The following COMMD1 variants were observed in gnomAD, a reference collection of about 807,000 sequenced individuals.
COMMD1 encodes the protein COMM domain-containing protein 1.
Under a neutral mutation model 17.2 loss-of-function variants are expected in COMMD1, and 10 were observed. That is an observed-to-expected ratio of 0.58 (90% CI 0.36 to 0.99). COMMD1 has a LOEUF of 0.99. Among genes scored for constraint, COMMD1 ranks in the 50% least tolerant of loss-of-function variants. The pLI, the probability that COMMD1 is intolerant of heterozygous loss-of-function variation, is 0.01. For synonymous variants in COMMD1, 97 were observed against 91.6 expected (o/e 1.06, Z -0.34); for missense variants, 270 against 231.8 (o/e 1.17, Z -1.07).
At chr2:61,966,462 C>T (rs995397466) in intron 1 of COMMD1, among the ~76,000 whole-genome samples, 1 of 152,052 alleles carries the variant, frequency 6.6e-6, no homozygotes, top group African/African-American at 2.4e-5. Flanking sequence ...CCAATTGAAA[C>T]ACTAGTTGGT....
In COMMD1 at chr2:61,982,364, G is replaced by A. The variant is rs11680499; in HGVS notation, c.181-18337G>A. ...TTTGTATCATGCAACTTTACTGAAT[G>A]TATCAGTTGTAATGGTTTTTTTGGT... On this transcript the variant is annotated intron_variant, in intron 1 of 2. Coordinates refer to ENST00000311832, the MANE Select transcript of COMMD1 (RefSeq NM_152516.4). Among the ~76,000 whole-genome samples the A allele has an allele frequency of 2.1e-3, 319 of 152,224 alleles. 1 individual carries two copies. Among genetic ancestry groups the A allele is most frequent in the Non-Finnish European group, 3.2e-3 (220 of 68,002 alleles).
intron 1 of COMMD1, among the ~76,000 whole-genome samples, chr2:61,976,025 TG>T (rs1671792088): frequency 6.6e-6 from 1 of 152,200 alleles, no homozygotes; most frequent in Non-Finnish European, 1.5e-5. Flanking sequence ...TTCTGCCTAC[TG>T]GATCTGTCAG....
At chr2:61,970,132 C>T (rs1219985018) in intron 1 of COMMD1, among the ~76,000 whole-genome samples, 2 of 151,580 alleles carry the variant, frequency 1.3e-5, no homozygotes, top group Non-Finnish European at 1.5e-5. Context: ...GTGGTGGGCG[C>T]GTGTAATCTT....
intron 2 of COMMD1, among the ~76,000 whole-genome samples, chr2:62,117,299 G>T (rs1672635113): frequency 6.6e-6 from 1 of 152,190 alleles, no homozygotes; most frequent in African/African-American, 2.4e-5. Flanking sequence ...ACATAAAGTG[G>T]TTTTCATAGG....
chr2:62,107,658 A>C (rs1672354157), intron 2 of COMMD1, among the ~76,000 whole-genome samples: 1 of 152,212 alleles, frequency 6.6e-6, no homozygotes, highest in African/African-American at 2.4e-5. Flanking sequence ...CTTAGAGATC[A>C]TTTAATTTTT....
At position 61,934,722 on chromosome 2, in the gene COMMD1, A is replaced by C. The variant is rs74261692; in HGVS notation, c.180+28864A>C. On this transcript the variant is annotated intron_variant, in intron 1 of 2. Transcript: ENST00000311832. The stretch of plus-strand genomic sequence containing the variant: ...AGGAAAAGGGGCTAGTTAGTACAGC[A>C]GTCACTGATTTGTCTGTATAGAGAG... Among the ~76,000 whole-genome samples, 48 of 152,370 alleles carry C rather than the reference A, an allele frequency of 3.2e-4. No individual in the cohort carries two copies. In the East Asian group the frequency reaches 8.3e-3, roughly 26 times the overall value.
chr2:62,135,464 C>T (rs1673167957), intron 2 of COMMD1, among the ~76,000 whole-genome samples: 1 of 152,082 alleles, frequency 6.6e-6, no homozygotes, highest in African/African-American at 2.4e-5. Context: ...CATTCTCCTG[C>T]CTCAGCCTCC....
chr2:61,888,644 G>A, upstream of COMMD1: 5 of 1,055,072 alleles, frequency 4.7e-6, no homozygotes, highest in Non-Finnish European at 5.3e-6. Context: ...GGGAGGAGGC[G>A]GAGGCGGAGA....
intron 2 of COMMD1, among the ~76,000 whole-genome samples, chr2:62,077,459 T>C (rs1343507840): frequency 1.3e-5 from 2 of 152,148 alleles, no homozygotes; most frequent in Non-Finnish European, 2.9e-5. Flanking sequence ...ATTTTCTTTT[T>C]CTAGAGTCTG....
chr2:62,066,647 C>T (rs574287719), intron 2 of COMMD1, among the ~76,000 whole-genome samples: 2 of 151,688 alleles, frequency 1.3e-5, no homozygotes, highest in African/African-American at 4.8e-5. Context: ...GTGATCTGCC[C>T]GCCTTGGCCT....
intron 1 of COMMD1, among the ~76,000 whole-genome samples, chr2:61,924,980 C>T (rs759816922): frequency 2.6e-5 from 4 of 152,120 alleles, no homozygotes; most frequent in Non-Finnish European, 5.9e-5. Flanking sequence ...AGCCCTTGGC[C>T]GAGTGCTGGG....
intron 2 of COMMD1, among the ~76,000 whole-genome samples, chr2:62,058,126 C>G (rs150941423): frequency 2.0e-5 from 3 of 152,098 alleles, no homozygotes; most frequent in Non-Finnish European, 2.9e-5. Context: ...GACTTACCTT[C>G]TGATTTAGCA....
At chr2:62,090,723 A>G (rs1180707384) in intron 2 of COMMD1, 2 of 152,174 alleles carry the variant, frequency 1.3e-5, no homozygotes, top group African/African-American at 2.4e-5. Context: ...CCCGTTGGAT[A>G]TTAGAGGCCA....
chr2:62,115,686 T>C (rs1672570760), intron 2 of COMMD1, among the ~76,000 whole-genome samples: 1 of 152,116 alleles, frequency 6.6e-6, no homozygotes. Flanking sequence ...TAAATAGAGA[T>C]AAAGGGGTAT....
chr2:62,068,977 A>G (rs1044241514), intron 2 of COMMD1, among the ~76,000 whole-genome samples: 2 of 151,984 alleles, frequency 1.3e-5, no homozygotes, highest in Non-Finnish European at 2.9e-5. Flanking sequence ...AAAAGATACT[A>G]AAGACCTTTT....
intron 1 of COMMD1, among the ~76,000 whole-genome samples, chr2:61,924,434 T>TG (rs895431261): frequency 2.6e-5 from 2 of 77,470 alleles, no homozygotes; most frequent in Non-Finnish European, 2.7e-5. Flanking sequence ...AGGCATATGG[T>TG]GGGGGGTCAT....
At chr2:61,938,580 A>G (rs1670660376) in intron 1 of COMMD1, among the ~76,000 whole-genome samples, 1 of 152,118 alleles carries the variant, frequency 6.6e-6, no homozygotes, top group South Asian at 2.1e-4. Flanking sequence ...TTCATGTTCT[A>G]AGGCCTTTTC....
intron 1 of COMMD1, among the ~76,000 whole-genome samples, chr2:61,953,942 G>A (rs1453088523): frequency 6.6e-6 from 1 of 152,022 alleles, no homozygotes; most frequent in South Asian, 2.1e-4. Context: ...TATTCAGGCC[G>A]GGTGCGGTGG....
chr2:62,095,888 G>A (rs1207171377), intron 2 of COMMD1, among the ~76,000 whole-genome samples: 1 of 132,170 alleles, frequency 7.6e-6, no homozygotes, highest in Non-Finnish European at 1.6e-5. Flanking sequence ...CATACACACA[G>A]GTATATATAA....
Sources: allele counts gnomAD v4.1 joint callset (sites outside exome capture counted in the v4.1 genomes callset), GRCh38; gene constraint gnomAD v4.1.1; transcripts MANE v1.5; gene names NCBI Gene and HGNC (gene_info 2026-07-23, HGNC 2026-07-21).